Variants in HAPLN2 observed in about 807,000 individuals in gnomAD.
The protein encoded by HAPLN2 is brain link protein-1.
HAPLN2 carries 27 observed loss-of-function variants against 29.3 expected under a neutral mutation model. The observed-to-expected ratio is 0.92, with a 90% CI of 0.68 to 1.27. HAPLN2 has a LOEUF of 1.27. HAPLN2 is among the 50% of genes most tolerant of loss of function. The pLI, the probability that HAPLN2 is intolerant of heterozygous loss-of-function variation, is 0.00. For synonymous variants in HAPLN2, 208 were observed against 211.7 expected, an observed-to-expected ratio of 0.98 and a Z score of 0.15; for missense variants, 454 against 484.3, an observed-to-expected ratio of 0.94 and a Z score of 0.59.
chr1:156,610,168 C>T, the HAPLN2 span, among the ~76,000 whole-genome samples: 1 of 151,878 alleles, frequency 6.6e-6, no homozygotes, highest in African/African-American at 2.4e-5. Flanking sequence ...GAGCTGAGGT[C>T]GCACCACTGC....
the HAPLN2 span, among the ~76,000 whole-genome samples, chr1:156,609,919 T>TA: frequency 1.3e-5 from 2 of 151,876 alleles, no homozygotes; most frequent in East Asian, 3.9e-4. Context: ...AAATAAAAGT[T>TA]AAAAAACAAA....
At chr1:156,601,853 A>G in the HAPLN2 span, among the ~76,000 whole-genome samples, 1 of 152,180 alleles carries the variant, frequency 6.6e-6, no homozygotes, top group Non-Finnish European at 1.5e-5. Context: ...TTCAGGGTTG[A>G]ATACTCATGA....
chr1:156,608,667 C>T, the HAPLN2 span, among the ~76,000 whole-genome samples: 1 of 152,016 alleles, frequency 6.6e-6, no homozygotes, highest in East Asian at 1.9e-4. Context: ...CTCAGCCTCC[C>T]GAGCAGCTGG....
At position 156,625,350 on chromosome 1, in the gene HAPLN2, C is replaced by T; in HGVS notation, c.989C>T (p.Ala330Val). The part of the protein sequence containing the change: ...RSFGFPRPQQ[A>V]AYGTYCYAEN Reference sequence around the variant, plus strand: ...TTCGGCTTCCCCAGGCCCCAACAGGCAGCCTATGGGACCTACTGCTACGCC... The same window carrying T: ...TTCGGCTTCCCCAGGCCCCAACAGGTAGCCTATGGGACCTACTGCTACGCC... The change falls in exon 7 of 7, where the codon GCA (alanine) becomes GTA (valine). Residue 330 changes from alanine to valine, a missense_variant. Ala to Val is a moderately conservative substitution (Grantham distance 64, BLOSUM62 0). Around this residue, in one of 3 missense-constraint regions of HAPLN2, gnomAD observed 235 missense variants for 236.9 expected, o/e 0.99. Coordinates refer to ENST00000255039, the MANE Select transcript of HAPLN2 (RefSeq NM_021817.3). This position sits in a 1 kb window ranked among gnomAD's most constrained non-coding sequence, Gnocchi z 5.7. The T allele has an allele frequency of 1.9e-6, 3 of 1,602,696 alleles. No homozygotes were observed. In the East Asian group the frequency reaches 6.8e-5, roughly 36 times the overall value.
the HAPLN2 span, among the ~76,000 whole-genome samples, chr1:156,611,732 T>TA: frequency 6.6e-6 from 1 of 152,222 alleles, no homozygotes; most frequent in Non-Finnish European, 1.5e-5. Context: ...TGATAATGCC[T>TA]AAAATGTATT....
At chr1:156,610,212 CAAAA>C in the HAPLN2 span, among the ~76,000 whole-genome samples, 322 of 151,770 alleles carry the variant, frequency 2.1e-3, no homozygotes, top group African/African-American at 7.3e-3. Context: ...GACTCCATCT[CAAAA>C]AAACAAAAAC....
chr1:156,609,087 T>C, the HAPLN2 span, among the ~76,000 whole-genome samples: 1 of 152,312 alleles, frequency 6.6e-6, no homozygotes, highest in Non-Finnish European at 1.5e-5. Context: ...AACAGAGGTC[T>C]GAAGCGCTGA....
At chr1:156,622,386 C>T (rs926696349) in intron 2 of HAPLN2, among the ~76,000 whole-genome samples, 8 of 151,306 alleles carry the variant, frequency 5.3e-5, no homozygotes, top group Middle Eastern at 3.2e-3. Flanking sequence ...TCTGGGAGGG[C>T]GAGGCTGCAG....
chr1:156,614,842 C>T (rs1376137135), upstream of HAPLN2: 1 of 152,214 alleles, frequency 6.6e-6, no homozygotes. Flanking sequence ...CCATTATAAA[C>T]AGAATGACAA....
the HAPLN2 span, among the ~76,000 whole-genome samples, chr1:156,602,745 T>G: frequency 6.6e-6 from 1 of 150,790 alleles, no homozygotes; most frequent in Non-Finnish European, 1.5e-5. Flanking sequence ...CCTGTCGGTA[T>G]GAGGATGTAT....
chr1:156,612,631 T>C, the HAPLN2 span, among the ~76,000 whole-genome samples: 17 of 152,310 alleles, frequency 1.1e-4, no homozygotes, highest in South Asian at 3.3e-3. Context: ...TTGATGTTGC[T>C]AGTGGGACTG....
At chr1:156,606,007 G>C in the HAPLN2 span, among the ~76,000 whole-genome samples, 1 of 152,136 alleles carries the variant, frequency 6.6e-6, no homozygotes, top group Non-Finnish European at 1.5e-5. Context: ...AATTAGGCTG[G>C]GCATGGTGGC....
At chr1:156,618,262 C>T (rs762013172), upstream of HAPLN2, among the ~76,000 whole-genome samples, 17 of 147,422 alleles carry the variant, frequency 1.2e-4, no homozygotes, top group South Asian at 1.3e-3. Flanking sequence ...GCCGAGACTG[C>T]GCCACTGCAC....
At chr1:156,624,491 C>G in intron 5 of HAPLN2, 24 bp downstream of exon 5, 1 of 1,609,950 alleles carries the variant, frequency 6.2e-7, no homozygotes, top group South Asian at 1.1e-5. Flanking sequence ...CCCAGCACTT[C>G]CCAAGCCCCG....
chr1:156,624,848 G>A, intron 6 of HAPLN2, 65 bp downstream of exon 6: 1 of 1,432,752 alleles, frequency 7.0e-7, no homozygotes, highest in Non-Finnish European at 9.1e-7. Context: ...ACGAGGAGTG[G>A]ACCTCAGCTT....
At chr1:156,620,510 T>C (rs776819608) in intron 2 of HAPLN2, among the ~76,000 whole-genome samples, 2 of 152,202 alleles carry the variant, frequency 1.3e-5, no homozygotes, top group African/African-American at 4.8e-5. Flanking sequence ...TTGGTCTCAG[T>C]CAATCTCAGT....
At position 156,623,049 on chromosome 1, in the gene HAPLN2, T is replaced by TAAAAA. The variant is rs200510721; in HGVS notation, c.-24-415_-24-414insAAAAA. Reference sequence around the variant, plus strand: ...ACTCTGTCTCAAAAAAATAAATAAATAAATAAATAAATAAATAAATAAATA... The same window carrying TAAAAA: ...ACTCTGTCTCAAAAAAATAAATAAATAAAAAAAATAAATAAATAAATAAATAAATA... On this transcript the variant is annotated intron_variant, in intron 2 of 6. Transcript: ENST00000255039. Among the ~76,000 whole-genome samples, 5 of 105,602 alleles carry TAAAAA rather than the reference T, an allele frequency of 4.7e-5. 1 individual carries two copies. The East Asian group carries it at 1.2e-3, about 26-fold the overall frequency. 69.3% of individuals were successfully genotyped at this position (105,602 alleles called of 152,430 possible). A position where few individuals can be genotyped will look rare whatever the true frequency, so the allele number is the denominator to read the frequency against.
At chr1:156,603,381 T>C in the HAPLN2 span, among the ~76,000 whole-genome samples, 1 of 151,996 alleles carries the variant, frequency 6.6e-6, no homozygotes, top group South Asian at 2.1e-4. Flanking sequence ...CTGCAGCCAC[T>C]GAGAAAATTC....
At position 156,624,770 on chromosome 1, in the gene HAPLN2, C is replaced by G. The variant is rs761075835; in HGVS notation, c.726C>G (p.Thr242=). 6.6e-7 allele frequency: 1 copy of G among 1,513,990 alleles called. No individual in the cohort carries two copies. Among genetic ancestry groups the G allele is most frequent in the Non-Finnish European group, 8.8e-7 (1 of 1,139,926 alleles). 93.8% of individuals were successfully genotyped at this position (1,513,990 alleles called of 1,614,324 possible). ...MRDRYDAFCF[T]SALAGQVFFV... ...ACCGCTACGACGCCTTCTGCTTCACCTCCGCGCTGGCGGGTGAGGCGCGGG... is the reference window on the plus strand; with the variant it reads ...ACCGCTACGACGCCTTCTGCTTCACGTCCGCGCTGGCGGGTGAGGCGCGGG... Residue 242 remains threonine (T), a synonymous_variant, in exon 6 of 7, where the codon ACC becomes ACG. Coordinates refer to ENST00000255039, the MANE Select transcript of HAPLN2 (RefSeq NM_021817.3).
Sources: allele counts gnomAD v4.1 joint callset (sites outside exome capture counted in the v4.1 genomes callset), GRCh38; gene constraint gnomAD v4.1.1; regional missense constraint gnomAD v4.1.1; non-coding constraint Gnocchi (gnomAD v3.1); transcripts MANE v1.5; gene names NCBI Gene and HGNC (gene_info 2026-07-23, HGNC 2026-07-21).